The following NTRK2 variants were observed in gnomAD, a reference collection of about 807,000 sequenced individuals.
The protein encoded by NTRK2 is neurotrophic receptor tyrosine kinase 2.
A neutral mutation model predicts 94.5 loss-of-function variants in NTRK2; 13 were observed. That is an observed-to-expected ratio of 0.14 (90% confidence interval 0.09 to 0.22). The LOEUF (loss-of-function observed/expected upper bound fraction) is 0.22, where lower values mean the gene tolerates loss of function less well. NTRK2 is among the 10% of genes least tolerant of loss of function. The probability of loss-of-function intolerance (pLI) is 1.00; values close to 1 mark genes in which losing one functional copy is unlikely to be tolerated. For missense variants in NTRK2, 639 were observed against 1,071.2 expected (o/e 0.60, Z 5.63); for synonymous variants, 372 against 407.4 (o/e 0.91, Z 1.05).
intron 14 of NTRK2, among the ~76,000 whole-genome samples, chr9:84,899,678 C>A (rs1007817225): frequency 6.6e-6 from 1 of 152,152 alleles, no homozygotes; most frequent in Non-Finnish European, 1.5e-5. Context: ...AATTGTGTTT[C>A]CTGTTCCTGT....
At chr9:85,006,601 G>C (rs1830990838) in intron 17 of NTRK2, among the ~76,000 whole-genome samples, 1 of 152,152 alleles carries the variant, frequency 6.6e-6, no homozygotes, top group South Asian at 2.1e-4. Context: ...AGGAGCAAAA[G>C]AAAGACACCC....
intron 12 of NTRK2, among the ~76,000 whole-genome samples, chr9:84,847,027 A>G (rs1021385558): frequency 3.9e-5 from 6 of 152,220 alleles, no homozygotes; most frequent in Non-Finnish European, 8.8e-5. Flanking sequence ...AACAACAACA[A>G]AAGAGCTAGT....
Position 85,023,190 on chromosome 9 carries a change from T to C in NTRK2, c.*1753T>C. The C allele has an allele frequency of 4.3e-6, 1 of 232,972 alleles. No individual in the cohort carries two copies. The highest frequency in any genetic ancestry group is 8.5e-6 in the Non-Finnish European group (1 of 117,868). The allele number at this position is 232,972 out of a possible 1,614,324, so 14.4% of individuals were successfully genotyped here. A position where few individuals can be genotyped will look rare whatever the true frequency, so the allele number is the denominator to read the frequency against. On this transcript the variant is annotated 3_prime_UTR_variant, in exon 19 of 19. Transcript: ENST00000277120. ...TTACAGCTATTTGAATGGTCAGATA[T>C]ACCAAGAAAGAAAAATATTTCTGTT...
chr9:84,861,346 T>A (rs2075332704), intron 13 of NTRK2, among the ~76,000 whole-genome samples: 1 of 152,200 alleles, frequency 6.6e-6, no homozygotes, highest in South Asian at 2.1e-4. Flanking sequence ...GTCGTTCCAG[T>A]TCTAGTTTGT....
chr9:84,821,190 A>G (rs574995268), intron 12 of NTRK2, among the ~76,000 whole-genome samples: 2 of 152,036 alleles, frequency 1.3e-5, no homozygotes, highest in East Asian at 1.9e-4. Flanking sequence ...GACAAACACC[A>G]TAAATATGCT....
chr9:84,998,336 G>A (rs1030865012), intron 17 of NTRK2, among the ~76,000 whole-genome samples: 5 of 152,194 alleles, frequency 3.3e-5, no homozygotes, highest in African/African-American at 4.8e-5. Flanking sequence ...ATGGTTTTCA[G>A]TCTCAGAGAC....
At chr9:84,941,005 G>GTTAC (rs929155838) in intron 15 of NTRK2, among the ~76,000 whole-genome samples, 73 of 152,264 alleles carry the variant, frequency 4.8e-4, no homozygotes, top group African/African-American at 1.6e-3. Context: ...GAAAAGATTA[G>GTTAC]TTACTTAAGA....
chr9:84,827,604 T>C (rs190832305), intron 12 of NTRK2, among the ~76,000 whole-genome samples: 118 of 152,376 alleles, frequency 7.7e-4, no homozygotes, highest in African/African-American at 2.4e-3. Flanking sequence ...TTTGACTCAA[T>C]TGGGCCTGGC....
chr9:84,743,147 A>C (rs2063792406), intron 10 of NTRK2, among the ~76,000 whole-genome samples: 1 of 151,986 alleles, frequency 6.6e-6, no homozygotes, highest in South Asian at 2.1e-4. Flanking sequence ...TGCTGTTTTG[A>C]TCGAATGCCA....
rs181329876 is a variant in NTRK2, at chr9:84,674,008, G to A, written c.212+3048G>A. Reference sequence around the variant, plus strand: ...TGTTGTTGGAATTATGTAACTGGCCGTTTAAATCCCAGTTGTATTAAGTGC... The same window carrying A: ...TGTTGTTGGAATTATGTAACTGGCCATTTAAATCCCAGTTGTATTAAGTGC... On this transcript the variant is annotated intron_variant, in intron 2 of 18. Transcript: ENST00000277120. Among the ~76,000 whole-genome samples, 167 of 152,228 alleles carry A rather than the reference G, an allele frequency of 1.1e-3. 2 individuals carry two copies. The Middle Eastern group carries it at 0.02, about 19-fold the overall frequency.
chr9:84,744,181 C>T (rs1286940642), intron 10 of NTRK2, among the ~76,000 whole-genome samples: 1 of 152,082 alleles, frequency 6.6e-6, no homozygotes, highest in Admixed American at 6.5e-5. Context: ...CTAATAAAAA[C>T]TTTGACAACC....
intron 12 of NTRK2, chr9:84,813,657 T>G: frequency 1.9e-6 from 2 of 1,066,152 alleles, no homozygotes; most frequent in Non-Finnish European, 2.3e-6. Context: ...CTGGGAATTC[T>G]GCACCAATGT....
chr9:84,747,388 G>T (rs529408160), intron 11 of NTRK2, among the ~76,000 whole-genome samples: 1 of 150,918 alleles, frequency 6.6e-6, no homozygotes, highest in South Asian at 2.1e-4. Flanking sequence ...CTTGGTGTAA[G>T]AAAGTTGTTT....
chr9:84,930,163 A>G (rs1377310431), intron 14 of NTRK2, among the ~76,000 whole-genome samples: 2 of 152,232 alleles, frequency 1.3e-5, no homozygotes, highest in African/African-American at 2.4e-5. Context: ...CTTCATTACA[A>G]AAGTCTTACT....
chr9:84,679,429 G>T (rs1407965849), intron 2 of NTRK2, among the ~76,000 whole-genome samples: 1 of 152,144 alleles, frequency 6.6e-6, no homozygotes, highest in Non-Finnish European at 1.5e-5. Flanking sequence ...GACCATCATT[G>T]TTTCAACTGA....
intron 16 of NTRK2, among the ~76,000 whole-genome samples, chr9:84,950,337 T>C (rs1236584890): frequency 6.6e-6 from 1 of 152,130 alleles, no homozygotes; most frequent in East Asian, 1.9e-4. Context: ...AGGGAAGAAA[T>C]GTGCTGAGCA....
At chr9:84,797,726 TATATTATATATACTATAA>T (rs2069670114) in intron 12 of NTRK2, among the ~76,000 whole-genome samples, 2 of 81,464 alleles carry the variant, frequency 2.5e-5, no homozygotes, top group East Asian at 3.1e-4. Flanking sequence ...ATATATATTA[TATATTATATATACTATAA>T]TATATATTAT....
At chr9:84,985,436 A>G (rs1828175378) in intron 17 of NTRK2, among the ~76,000 whole-genome samples, 1 of 152,194 alleles carries the variant, frequency 6.6e-6, no homozygotes, top group South Asian at 2.1e-4. Context: ...CTTTCACACC[A>G]TCAATACATG....
chr9:84,728,690 T>C (rs1280162263), intron 9 of NTRK2, among the ~76,000 whole-genome samples: 2 of 152,142 alleles, frequency 1.3e-5, no homozygotes, highest in Non-Finnish European at 2.9e-5. Context: ...GATTCTTTTA[T>C]TGGCTCCGGA....
Sources: allele counts gnomAD v4.1 joint callset (sites outside exome capture counted in the v4.1 genomes callset), GRCh38; gene constraint gnomAD v4.1.1; transcripts MANE v1.5; gene names NCBI Gene and HGNC (gene_info 2026-07-23, HGNC 2026-07-21).